Variants in COL4A6 observed in about 807,000 individuals in gnomAD.
COL4A6 encodes collagen type IV alpha 6 chain.
COL4A6 carries 59 observed loss-of-function variants against 126.7 expected under a neutral mutation model. The ratio of observed to expected loss-of-function variants is 0.47; its 90% CI spans 0.38 to 0.58. The LOEUF (loss-of-function observed/expected upper bound fraction) is 0.58. Ranked by LOEUF, COL4A6 falls within the 20% of genes least tolerant of loss-of-function variation. COL4A6 has a pLI of 0.00. For synonymous variants in COL4A6, 547 were observed against 496.6 expected, an observed-to-expected ratio of 1.10 and a Z score of -1.35; for missense variants, 1,285 against 1,337.3, an observed-to-expected ratio of 0.96 and a Z score of 0.61.
chrX:108,199,408 A>G (rs1401214013), intron 13 of COL4A6, among the ~76,000 whole-genome samples: 1 of 111,145 alleles, frequency 9.0e-6, no homozygotes, highest in East Asian at 2.8e-4. Context: ...CATTAAACAG[A>G]TAGAGATATG....
intron 3 of COL4A6, among the ~76,000 whole-genome samples, chrX:108,302,186 A>G (rs1034896835): frequency 3.6e-5 from 4 of 111,485 alleles, no homozygotes; most frequent in African/African-American, 1.3e-4. Context: ...TATATTAATG[A>G]TAATATATAT....
intron 2 of COL4A6, among the ~76,000 whole-genome samples, chrX:108,378,708 C>G (rs2040497947): frequency 8.8e-6 from 1 of 113,022 alleles, no homozygotes; most frequent in East Asian, 2.7e-4. Flanking sequence ...TTCTTATCTG[C>G]CCTCAGATGT....
rs146894882 is a variant in COL4A6, at chrX:108,176,961, T to C, written c.2566A>G (p.Ile856Val). The C allele has an allele frequency of 3.5e-5, 42 of 1,210,548 alleles. No individual in the cohort carries two copies. The highest frequency in any genetic ancestry group is 4.4e-5 in the Non-Finnish European group (39 of 895,277). Residue 856 changes from isoleucine to valine, a missense_variant, in exon 28 of 45, where the codon ATT becomes GTT. By Grantham distance (29) the Ile-to-Val change is conservative (BLOSUM62 3). Transcript: ENST00000334504. ...TRGKKGPPGS[I>V]VKKGLPGLKG... ...AGCCCTGGCAGCCCTTTCTTTACAA[T>C]TGATCCAGGAGGACCTTTCTTGCCT...
rs774925593 is a variant in COL4A6 at position 108,162,050 on chromosome X, C to G, written c.4217-315G>C. On this transcript the variant is annotated intron_variant, in intron 41 of 44. Transcript: ENST00000334504. ...CAGGGCAACGGCGAGCATCCCATAT[C>G]AGAAATGAGGACACCGAGGCTGGGC... Among the ~76,000 whole-genome samples, 265 of 112,489 alleles carry G rather than the reference C, an allele frequency of 2.4e-3. 1 individual carries two copies. The highest frequency in any genetic ancestry group is 8.1e-3 in the African/African-American group (252 of 30,997).
intron 2 of COL4A6, among the ~76,000 whole-genome samples, chrX:108,358,644 C>T (rs1410476001): frequency 8.9e-6 from 1 of 111,836 alleles, no homozygotes; most frequent in Non-Finnish European, 1.9e-5. Context: ...ATCTGCCCTC[C>T]TCAGCCTCCC....
At chrX:108,231,712 T>C (rs753289424) in intron 3 of COL4A6, among the ~76,000 whole-genome samples, 1 of 112,066 alleles carries the variant, frequency 8.9e-6, no homozygotes, top group Non-Finnish European at 1.9e-5. Context: ...CACAAACCCA[T>C]GAACAGGAGC....
chrX:108,228,584 G>A lies in COL4A6; in HGVS notation c.145-7210C>T, dbSNP rs764208602. On this transcript the variant is annotated intron_variant, in intron 3 of 44. Coordinates refer to ENST00000334504, the MANE Select transcript of COL4A6 (RefSeq NM_033641.4). Reference sequence around the variant, plus strand: ...ATTGACTCACAGTTCAGCATGGCTGGAGAGGCCTCAGGAAACTTATAATCA... The same window carrying A: ...ATTGACTCACAGTTCAGCATGGCTGAAGAGGCCTCAGGAAACTTATAATCA... 3.6e-5 allele frequency among the ~76,000 whole-genome samples: 4 copies of A among 112,505 alleles called. No homozygotes were observed. In the South Asian group the frequency reaches 1.1e-3, roughly 31 times the overall value.
rs760983966 is a variant in COL4A6 at position 108,191,484 on chromosome X, G to A, written c.1230C>T (p.Asp410=). Residue 410 remains aspartate (D), a synonymous_variant, in exon 19 of 45, where the codon GAC becomes GAT. Coordinates refer to ENST00000334504, the MANE Select transcript of COL4A6 (RefSeq NM_033641.4). ...TTGTGGTACGGCCTGGGTTTCCTTG[G>A]TCCCCCTTCAGCCCTGGAAATCCCT... ...GPQGFPGLKG[D]QGNPGRTTIG... 9.1e-6 allele frequency: 11 copies of A among 1,209,336 alleles called. No individual in the cohort carries two copies. In the Admixed American group the frequency reaches 2.4e-4, roughly 26 times the overall value.
intron 16 of COL4A6, 56 bp from the exon 17 acceptor site, chrX:108,193,753 T>C (rs911651936): frequency 3.0e-6 from 3 of 1,005,589 alleles, no homozygotes; most frequent in Admixed American, 2.4e-5. Context: ...TTACCCAAGA[T>C]CTATGTGCCA....
chrX:108,303,002 A>AC (rs201270245), intron 3 of COL4A6, among the ~76,000 whole-genome samples: 2,480 of 60,586 alleles, frequency 0.041, 87 homozygotes, highest in African/African-American at 0.14. Flanking sequence ...TCCCCCCTCC[A>AC]CCCCCCCAAT....
chrX:108,218,848 T>A (rs2035933649), intron 5 of COL4A6, among the ~76,000 whole-genome samples: 1 of 112,030 alleles, frequency 8.9e-6, no homozygotes, highest in South Asian at 3.8e-4. Flanking sequence ...CACTGTTTTT[T>A]TCTGTTCTAT....
At chrX:108,164,779 G>C in intron 39 of COL4A6, 81 bp from the exon 40 acceptor site, 1 of 1,179,484 alleles carries the variant, frequency 8.5e-7, no homozygotes, top group East Asian at 3.0e-5. Flanking sequence ...GGTGAGGTAG[G>C]GAAGAACATC....
chrX:108,402,128 A>AT, intron 2 of COL4A6, among the ~76,000 whole-genome samples: 1 of 111,044 alleles, frequency 9.0e-6, no homozygotes, highest in East Asian at 2.8e-4. Flanking sequence ...ATCTCATGGA[A>AT]TAAGTTGGTG....
intron 2 of COL4A6, among the ~76,000 whole-genome samples, chrX:108,411,915 G>A (rs1487004636): frequency 9.0e-6 from 1 of 110,717 alleles, no homozygotes; most frequent in Non-Finnish European, 1.9e-5. Context: ...GATAGGGGTG[G>A]GATCAGAGGG....
intron 3 of COL4A6, among the ~76,000 whole-genome samples, chrX:108,228,450 C>A (rs751265244): frequency 1.2e-4 from 13 of 112,418 alleles, no homozygotes; most frequent in Non-Finnish European, 2.3e-4. Context: ...AAAAGAAACA[C>A]ACTGCATGGC....
At chrX:108,380,344 T>C (rs755781518) in intron 2 of COL4A6, among the ~76,000 whole-genome samples, 10 of 112,346 alleles carry the variant, frequency 8.9e-5, no homozygotes, top group Non-Finnish European at 1.7e-4. Context: ...TTTAACTGAA[T>C]CACTTTTTGG....
rs772637718 is a variant in COL4A6 at position 108,325,114 on chromosome X, T to C, written c.64-14286A>G. ...AATAGAAACAAGTCAAGTAGTCTAC[T>C]TGGTTGGTGGGAATGGACTTTAAAA... On this transcript the variant is annotated intron_variant, in intron 2 of 44. Transcript: ENST00000334504. Among the ~76,000 whole-genome samples, 3 of 111,640 alleles carry C rather than the reference T, an allele frequency of 2.7e-5. No individual in the cohort carries two copies. In the South Asian group the frequency reaches 1.1e-3, roughly 42 times the overall value.
intron 23 of COL4A6, among the ~76,000 whole-genome samples, chrX:108,184,461 C>T (rs192386048): frequency 5.8e-4 from 65 of 111,338 alleles, no homozygotes; most frequent in Middle Eastern, 9.3e-3. Flanking sequence ...ATCTCTTTCT[C>T]GGGAGACTGG....
chrX:108,371,387 T>C (rs1414781809), intron 2 of COL4A6, among the ~76,000 whole-genome samples: 1 of 109,827 alleles, frequency 9.1e-6, no homozygotes, highest in African/African-American at 3.3e-5. Context: ...AAGAAACCTT[T>C]GATAACCAGT....
Sources: allele counts gnomAD v4.1 joint callset (sites outside exome capture counted in the v4.1 genomes callset), GRCh38; gene constraint gnomAD v4.1.1; transcripts MANE v1.5; gene names NCBI Gene and HGNC (gene_info 2026-07-23, HGNC 2026-07-21).